RNFT2: variants seen among roughly 807,000 people sequenced by gnomAD.
RNFT2 encodes ring finger protein, transmembrane 2.
In RNFT2, 36 loss-of-function variants were observed where a neutral mutation model predicts 53.0. The ratio of observed to expected loss-of-function variants is 0.68; its 90% CI spans 0.52 to 0.90. The LOEUF is 0.90. Among genes scored for constraint, RNFT2 ranks in the 40% least tolerant of loss-of-function variants. The pLI, the probability that RNFT2 is intolerant of heterozygous loss-of-function variation, is 0.00. For missense variants in RNFT2, 514 were observed against 585.6 expected (o/e 0.88, Z 1.26); for synonymous variants, 260 against 253.2 (o/e 1.03, Z -0.26).
chr12:116,758,685 G>T (rs889271808), intron 5 of RNFT2, among the ~76,000 whole-genome samples: 1 of 152,140 alleles, frequency 6.6e-6, no homozygotes, highest in Non-Finnish European at 1.5e-5. Context: ...TGAAGATAGG[G>T]CCCCAATCCC....
chr12:116,792,563 C>CT (rs1358647912), intron 7 of RNFT2, among the ~76,000 whole-genome samples: 1 of 152,112 alleles, frequency 6.6e-6, no homozygotes, highest in Non-Finnish European at 1.5e-5. Context: ...GTCCAGCTCC[C>CT]TTTTTTTGAT....
chr12:116,800,955 T>G (rs1874765086), intron 7 of RNFT2: 1 of 152,186 alleles, frequency 6.6e-6, no homozygotes. Context: ...CAACTCAGCT[T>G]GACTGGGTGA....
Position 116,755,673 on chromosome 12 carries a change from T to TACAAC in RNFT2, c.627+1614_627+1615insCAACA, listed in dbSNP as rs1419480703. 4.1e-6 allele frequency: 6 copies of TACAAC among 1,452,770 alleles called. No homozygotes were observed. In the African/African-American group the frequency reaches 8.4e-5, roughly 20 times the overall value. The allele number at this position is 1,452,770 out of a possible 1,614,324, so 90.0% of individuals were successfully genotyped here. A position where few individuals can be genotyped will look rare whatever the true frequency, so the allele number is the denominator to read the frequency against. ...ACAACAATGCCAACAGCATGCTGGG[T>TACAAC]AACATTGTAGACTCTTCCAGTTTTG... On this transcript the variant is annotated intron_variant, in intron 5 of 10. Transcript: ENST00000257575.
intron 7 of RNFT2, among the ~76,000 whole-genome samples, chr12:116,788,910 T>G: frequency 7.5e-6 from 1 of 133,156 alleles, no homozygotes; most frequent in Non-Finnish European, 1.6e-5. Flanking sequence ...AGGAGAGTGA[T>G]GGATGGATGG....
Position 116,852,847 on chromosome 12 carries a change from G to A in RNFT2, c.*3399G>A. The A allele has an allele frequency of 1.3e-6, 1 of 797,022 alleles. No homozygotes were observed. The highest frequency in any genetic ancestry group is 1.6e-5 in the South Asian group (1 of 60,900). The allele number at this position is 797,022 out of a possible 1,614,324, so 49.4% of individuals were successfully genotyped here. ...CCAGTGTATTACCTGCTGGAACCAA[G>A]GAAACTAACAATGTAGGTTACTAGT... On this transcript the variant is annotated 3_prime_UTR_variant, in exon 11 of 11. Transcript: ENST00000257575.
At chr12:116,810,144 T>G (rs1163847580) in intron 7 of RNFT2, among the ~76,000 whole-genome samples, 1 of 152,184 alleles carries the variant, frequency 6.6e-6, no homozygotes, top group African/African-American at 2.4e-5. Flanking sequence ...AGTTTCACGC[T>G]GAAAGCTCAC....
chr12:116,755,935 T>C, intron 5 of RNFT2: 6 of 1,006,994 alleles, frequency 6.0e-6, no homozygotes, highest in Admixed American at 1.8e-5. Flanking sequence ...TCCTTATTTT[T>C]GTACCAGTAC....
At position 116,849,458 on chromosome 12, in the gene RNFT2, C is replaced by T. The variant is rs746690768; in HGVS notation, c.*10C>T. ...CTTCCAGGTGTACTAGGACCGAACACTGAGGACACCCAGAAGGACGCCAAG... is the reference window on the plus strand; with the variant it reads ...CTTCCAGGTGTACTAGGACCGAACATTGAGGACACCCAGAAGGACGCCAAG... On this transcript the variant is annotated 3_prime_UTR_variant, in exon 11 of 11. Transcript: ENST00000257575. 1.3e-6 allele frequency: 2 copies of T among 1,579,008 alleles called. No individual in the cohort carries two copies. The highest frequency in any genetic ancestry group is 1.7e-6 in the Non-Finnish European group (2 of 1,161,580).
intron 10 of RNFT2, among the ~76,000 whole-genome samples, chr12:116,847,410 C>T (rs913887544): frequency 1.3e-5 from 2 of 152,096 alleles, no homozygotes; most frequent in Admixed American, 1.3e-4. Flanking sequence ...GGGGTTCTAT[C>T]CCCATTTTAC....
intron 3 of RNFT2, among the ~76,000 whole-genome samples, chr12:116,747,664 T>C (rs1309279885): frequency 2.6e-5 from 4 of 152,172 alleles, no homozygotes; most frequent in Non-Finnish European, 5.9e-5. Context: ...AAGCACCTAC[T>C]GTGTGCCCTG....
intron 3 of RNFT2, chr12:116,748,854 C>T (rs1872033956): frequency 4.7e-6 from 1 of 214,394 alleles, no homozygotes; most frequent in Admixed American, 6.0e-5. Context: ...CTGCTCCATC[C>T]CTTACCAGCT....
intron 3 of RNFT2, among the ~76,000 whole-genome samples, chr12:116,745,957 T>G (rs1265960613): frequency 6.6e-6 from 1 of 151,754 alleles, no homozygotes; most frequent in African/African-American, 2.4e-5. Flanking sequence ...CGGGGGGCAG[T>G]GGGGAATGGT....
At chr12:116,745,947 C>CG (rs1269560886) in intron 3 of RNFT2, among the ~76,000 whole-genome samples, 2 of 151,774 alleles carry the variant, frequency 1.3e-5, no homozygotes, top group African/African-American at 2.4e-5. Context: ...ATCACTGTAG[C>CG]GGGGGGCAGT....
chr12:116,759,697 A>G (rs1261878907), intron 5 of RNFT2, among the ~76,000 whole-genome samples: 1 of 152,174 alleles, frequency 6.6e-6, no homozygotes, highest in Non-Finnish European at 1.5e-5. Flanking sequence ...GTCTGCACAG[A>G]GTCCTGTGAT....
At chr12:116,778,607 T>C (rs1873544645) in intron 6 of RNFT2, among the ~76,000 whole-genome samples, 1 of 152,250 alleles carries the variant, frequency 6.6e-6, no homozygotes, top group South Asian at 2.1e-4. Context: ...CCCAGCACTT[T>C]GGAAGGCTGA....
chr12:116,820,130 T>C (rs570068567), intron 7 of RNFT2, among the ~76,000 whole-genome samples: 3 of 152,216 alleles, frequency 2.0e-5, no homozygotes, highest in Non-Finnish European at 4.4e-5. Flanking sequence ...TTACTGTGTC[T>C]CCCAGGCTGG....
chr12:116,803,278 G>A, intron 7 of RNFT2, among the ~76,000 whole-genome samples: 1 of 152,120 alleles, frequency 6.6e-6, no homozygotes, highest in African/African-American at 2.4e-5. Context: ...CGGGGGTGAT[G>A]TTTTATACTC....
At chr12:116,777,009 C>T (rs756190117) in intron 6 of RNFT2, among the ~76,000 whole-genome samples, 33 of 150,510 alleles carry the variant, frequency 2.2e-4, no homozygotes, top group Non-Finnish European at 4.1e-4. Flanking sequence ...CCTCTGCCTC[C>T]TAGGTTCAAG....
At chr12:116,816,306 A>G (rs2137173398) in intron 7 of RNFT2, among the ~76,000 whole-genome samples, 1 of 152,296 alleles carries the variant, frequency 6.6e-6, no homozygotes, top group Admixed American at 6.5e-5. Flanking sequence ...CAAGGGAACC[A>G]TGGCCAATGA....
Sources: gnomAD v4.1 joint callset for allele counts (sites outside exome capture counted in the v4.1 genomes callset) on GRCh38, gnomAD v4.1.1 for gene constraint, MANE v1.5 for transcripts, NCBI Gene and HGNC (gene_info 2026-07-23, HGNC 2026-07-21) for gene names.